The following RAP1A variants were observed in gnomAD, a reference collection of about 807,000 sequenced individuals.
The protein encoded by RAP1A is ras-related protein Rap-1A.
RAP1A carries 6 observed loss-of-function variants against 26.4 expected under a neutral mutation model. The ratio of observed to expected loss-of-function variants is 0.23; its 90% CI spans 0.12 to 0.45. The LOEUF (loss-of-function observed/expected upper bound fraction) is 0.45. RAP1A is among the 20% of genes least tolerant of loss of function. The pLI is 0.99. For synonymous variants in RAP1A, 73 were observed against 79.4 expected (o/e 0.92, Z 0.43); for missense variants, 121 against 217.2 (o/e 0.56, Z 2.78).
chr1:111,654,206 A>G (rs1660379716), intron 1 of RAP1A, among the ~76,000 whole-genome samples: 1 of 152,200 alleles, frequency 6.6e-6, no homozygotes, highest in Admixed American at 6.5e-5. Flanking sequence ...TTCATTGCAT[A>G]TGCTTTGTGG....
chr1:111,684,569 A>G (rs979735764), intron 1 of RAP1A, among the ~76,000 whole-genome samples: 35 of 152,206 alleles, frequency 2.3e-4, no homozygotes, highest in African/African-American at 8.0e-4. Context: ...GTAATGCAAC[A>G]TACAAGGGAT....
chr1:111,627,947 A>G (rs940301141), intron 1 of RAP1A, among the ~76,000 whole-genome samples: 3 of 151,710 alleles, frequency 2.0e-5, no homozygotes, highest in Non-Finnish European at 4.4e-5. Context: ...CAAAAAAAAA[A>G]TCTGTGAATG....
rs891311396 is a variant in RAP1A, at chr1:111,712,545, C to T, written c.*144C>T. On this transcript the variant is annotated 3_prime_UTR_variant, in exon 8 of 8. Transcript: ENST00000369709. The stretch of plus-strand genomic sequence containing the variant: ...TATATATTATGTGAAGAATTTAGAT[C>T]TTATATTGGTTTGCACAAGTTCCCT... 3.3e-5 allele frequency: 5 copies of T among 152,396 alleles called. No individual in the cohort carries two copies. Among genetic ancestry groups the T allele is most frequent in the African/African-American group, 1.2e-4 (5 of 41,416 alleles). The allele number at this position is 152,396 out of a possible 1,614,324, so 9.4% of individuals were successfully genotyped here. A position where few individuals can be genotyped will look rare whatever the true frequency, so the allele number is the denominator to read the frequency against.
At chr1:111,639,428 G>C (rs1281973989) in intron 1 of RAP1A, among the ~76,000 whole-genome samples, 1 of 134,588 alleles carries the variant, frequency 7.4e-6, no homozygotes, top group East Asian at 2.2e-4. Context: ...TTTTAAAGTA[G>C]AAATGTGTTT....
intron 1 of RAP1A, among the ~76,000 whole-genome samples, chr1:111,593,298 G>A (rs149186432): frequency 6.6e-6 from 1 of 152,202 alleles, no homozygotes; most frequent in African/African-American, 2.4e-5. Flanking sequence ...TCAAGTTGCT[G>A]CAAAGCTGCT....
intron 1 of RAP1A, among the ~76,000 whole-genome samples, chr1:111,588,471 G>T (rs1658419594): frequency 6.6e-6 from 1 of 152,114 alleles, no homozygotes; most frequent in Non-Finnish European, 1.5e-5. Flanking sequence ...CTTTCAGGAT[G>T]GAATTAAAAC....
intron 1 of RAP1A, among the ~76,000 whole-genome samples, chr1:111,584,762 G>T (rs771638855): frequency 2.6e-5 from 4 of 152,072 alleles, no homozygotes; most frequent in Non-Finnish European, 5.9e-5. Context: ...CCGGTGACCA[G>T]AATGCCATTA....
intron 1 of RAP1A, among the ~76,000 whole-genome samples, chr1:111,544,792 G>A (rs1656977470): frequency 6.8e-6 from 1 of 147,710 alleles, no homozygotes; most frequent in South Asian, 2.2e-4. Flanking sequence ...AATTTCTTGG[G>A]TATATCCAAT....
At chr1:111,606,399 G>A (rs905429431) in intron 1 of RAP1A, among the ~76,000 whole-genome samples, 24 of 152,140 alleles carry the variant, frequency 1.6e-4, no homozygotes, top group Non-Finnish European at 8.8e-5. Flanking sequence ...GAAGGTAGCT[G>A]GAGAATGCTT....
At chr1:111,631,232 TG>T (rs1158697524) in intron 1 of RAP1A, among the ~76,000 whole-genome samples, 3 of 152,206 alleles carry the variant, frequency 2.0e-5, no homozygotes. Flanking sequence ...TTTAAGTCTT[TG>T]GCAATTTGAG....
chr1:111,637,145 G>T (rs1308366374), intron 1 of RAP1A, among the ~76,000 whole-genome samples: 1 of 151,932 alleles, frequency 6.6e-6, no homozygotes, highest in Non-Finnish European at 1.5e-5. Context: ...TTTAAAAAAT[G>T]GTTTGTATTA....
intron 1 of RAP1A, among the ~76,000 whole-genome samples, chr1:111,593,247 G>T (rs1658502051): frequency 6.6e-6 from 1 of 152,146 alleles, no homozygotes. Flanking sequence ...CCGTTCTCTT[G>T]TGTTTACAAG....
chr1:111,574,543 G>A (rs1384780743), intron 1 of RAP1A, among the ~76,000 whole-genome samples: 1 of 152,158 alleles, frequency 6.6e-6, no homozygotes, highest in Non-Finnish European at 1.5e-5. Context: ...AAATTGCTTT[G>A]AGCAGTTTGG....
chr1:111,611,529 C>G (rs1658926539), intron 1 of RAP1A, among the ~76,000 whole-genome samples: 2 of 152,110 alleles, frequency 1.3e-5, no homozygotes, highest in Non-Finnish European at 2.9e-5. Flanking sequence ...TTTATCTTTC[C>G]TATAAAAATA....
At chr1:111,653,543 G>T (rs1660346298) in intron 1 of RAP1A, among the ~76,000 whole-genome samples, 1 of 151,996 alleles carries the variant, frequency 6.6e-6, no homozygotes, top group African/African-American at 2.4e-5. Context: ...GATTAGCTGG[G>T]CGTGGTGGCA....
At chr1:111,567,131 A>G (rs1657935033) in intron 1 of RAP1A, among the ~76,000 whole-genome samples, 1 of 152,152 alleles carries the variant, frequency 6.6e-6, no homozygotes, top group Non-Finnish European at 1.5e-5. Context: ...CCCGCCCTCA[A>G]GAAGTCCACC....
rs193038407 is a variant in RAP1A at position 111,544,100 on chromosome 1, T to A, written c.-28+1591T>A. 2.0e-5 allele frequency among the ~76,000 whole-genome samples: 3 copies of A among 152,322 alleles called. No individual in the cohort carries two copies. The East Asian group carries it at 5.8e-4, about 29-fold the overall frequency. On this transcript the variant is annotated intron_variant, in intron 1 of 7. Coordinates refer to the RAP1A transcript ENST00000356415. ...TTAAAGTCAAATTTGCCATTTGTCC[T>A]AAAATAGCAGGCTCCCTTTTCAAAC...
At position 111,600,403 on chromosome 1, in the gene RAP1A, A is replaced by G. The variant is rs2786961; in HGVS notation, c.-28+57894A>G. On this transcript the variant is annotated intron_variant, in intron 1 of 7. Coordinates refer to the RAP1A transcript ENST00000356415. ...CTTAGAGAGTTTCCCTTAAGTGTAA[A>G]TGGATATTCTTCTGCCTGTGATAGA... Among the ~76,000 whole-genome samples the G allele has an allele frequency of 6.9e-3, 1,050 of 152,318 alleles. 12 individuals are homozygous for G. Among genetic ancestry groups the G allele is most frequent in the African/African-American group, 0.024 (999 of 41,578 alleles).
intron 1 of RAP1A, among the ~76,000 whole-genome samples, chr1:111,633,743 C>T (rs1659643661): frequency 6.6e-6 from 1 of 152,146 alleles, no homozygotes; most frequent in Admixed American, 6.6e-5. Flanking sequence ...AGTGTTACAA[C>T]TTTTACATTG....
Sources: gnomAD v4.1 joint callset for allele counts (sites outside exome capture counted in the v4.1 genomes callset) on GRCh38, gnomAD v4.1.1 for gene constraint, MANE v1.5 for transcripts, NCBI Gene and HGNC (gene_info 2026-07-23, HGNC 2026-07-21) for gene names.